Variants in WDFY3 observed in about 807,000 individuals in gnomAD.
WDFY3 encodes the protein WD repeat and FYVE domain-containing protein 3.
Under a neutral mutation model 409.6 loss-of-function variants are expected in WDFY3, and 66 were observed. That is an observed-to-expected ratio of 0.16 (90% CI 0.13 to 0.20). The LOEUF (loss-of-function observed/expected upper bound fraction) is 0.20. Among genes scored for constraint, WDFY3 ranks in the 10% least tolerant of loss-of-function variants. The pLI is 1.00. For synonymous variants in WDFY3, 1,521 were observed against 1,537.1 expected (o/e 0.99, Z 0.25); for missense variants, 3,031 against 4,298.1 (o/e 0.71, Z 8.24).
Position 84,765,862 on chromosome 4 carries a change from T to G in WDFY3, c.5136A>C (p.Gly1712=). Residue 1712 remains glycine (G), a synonymous_variant, in exon 32 of 68, where the codon GGA becomes GGC. Coordinates refer to ENST00000295888, the MANE Select transcript of WDFY3 (RefSeq NM_014991.6). ...IKFKEGLSGG[G]WLEQTDSVLT... is the part of the protein sequence containing the mutation. Reference sequence around the variant, plus strand: ...AGACAGAATCTGTCTGTTCAAGCCATCCTCCACCACTGAGTCCTTCTTTAA... The same window carrying G: ...AGACAGAATCTGTCTGTTCAAGCCAGCCTCCACCACTGAGTCCTTCTTTAA... 6.2e-7 allele frequency: 1 copy of G among 1,613,878 alleles called. No individual in the cohort carries two copies. The highest frequency in any genetic ancestry group is 8.5e-7 in the Non-Finnish European group (1 of 1,179,924).
At chr4:84,727,860 A>C (rs1735920082) in intron 44 of WDFY3, among the ~76,000 whole-genome samples, 1 of 152,222 alleles carries the variant, frequency 6.6e-6, no homozygotes, top group Non-Finnish European at 1.5e-5. Flanking sequence ...TTTTAAAAGC[A>C]AACTTGTAAA....
At chr4:84,764,535 A>C (rs1444208739) in intron 32 of WDFY3, among the ~76,000 whole-genome samples, 1 of 152,266 alleles carries the variant, frequency 6.6e-6, no homozygotes, top group African/African-American at 2.4e-5. Flanking sequence ...TTCACATCTG[A>C]AATAACAATA....
chr4:84,733,034 T>C (rs1736862670), intron 44 of WDFY3, among the ~76,000 whole-genome samples: 1 of 152,202 alleles, frequency 6.6e-6, no homozygotes, highest in South Asian at 2.1e-4. Flanking sequence ...CTAACAGTCC[T>C]ACGAGGTGGA....
intron 35 of WDFY3, among the ~76,000 whole-genome samples, chr4:84,752,492 T>C (rs1047732172): frequency 4.0e-5 from 6 of 148,318 alleles, no homozygotes; most frequent in Non-Finnish European, 8.9e-5. Context: ...GTGCCACCAT[T>C]GCACTCCAGC....
chr4:84,940,936 G>A (rs1263118048), intron 1 of WDFY3, among the ~76,000 whole-genome samples: 1 of 151,856 alleles, frequency 6.6e-6, no homozygotes, highest in African/African-American at 2.4e-5. Context: ...AATCTCAATA[G>A]ATATTTTAAA....
chr4:84,741,985 CAA>C, intron 37 of WDFY3, 64 bp from the exon 38 acceptor site: 1 of 1,273,726 alleles, frequency 7.9e-7, no homozygotes. Context: ...ACCAGATCCT[CAA>C]AAAAAAAATC....
chr4:84,795,061 T>C, intron 19 of WDFY3, 82 bp from the exon 20 acceptor site: 1 of 943,854 alleles, frequency 1.1e-6, no homozygotes. Flanking sequence ...GTGAAATAAC[T>C]GCCAGTATTT....
At chr4:84,711,957 C>G (rs1029781938) in intron 51 of WDFY3, among the ~76,000 whole-genome samples, 1 of 151,956 alleles carries the variant, frequency 6.6e-6, no homozygotes, top group Admixed American at 6.6e-5. Flanking sequence ...GAATATCAAG[C>G]TGGTTTTGTG....
intron 58 of WDFY3, among the ~76,000 whole-genome samples, chr4:84,693,256 G>T (rs1046300473): frequency 1.1e-4 from 16 of 152,182 alleles, no homozygotes; most frequent in Non-Finnish European, 2.1e-4. Flanking sequence ...CTAAAGCATG[G>T]GCTATTGTCT....
rs553411906 is a variant in WDFY3, at chr4:84,678,809, C to T, written c.10147+110G>A. The T allele has an allele frequency of 3.2e-3, 3,886 of 1,233,000 alleles. 7 individuals carry two copies. The highest frequency in any genetic ancestry group is 4.0e-3 in the Non-Finnish European group (3,542 of 885,908). The allele number at this position is 1,233,000 out of a possible 1,614,324, so 76.4% of individuals were successfully genotyped here. On this transcript the variant is annotated intron_variant, in intron 65 of 67. Transcript: ENST00000295888. ...CATTCTGTGTGAGTGGCCCAGCTCA[C>T]GGGGCACATCCAGGGTGGGGCCCAG...
intron 27 of WDFY3, among the ~76,000 whole-genome samples, chr4:84,777,180 A>C (rs1745700173): frequency 6.6e-6 from 1 of 152,064 alleles, no homozygotes; most frequent in South Asian, 2.1e-4. Flanking sequence ...TGCTAAGTTC[A>C]GTTAAGGTGT....
rs375934941 is a variant in WDFY3, at chr4:84,684,135, G to A, written c.9544-10C>T. On this transcript the variant is annotated splice_polypyrimidine_tract_variant and intron_variant, in intron 62 of 67. Transcript: ENST00000295888. ...AGGACACAATGTCCCCCTGAGAAGA[G>A]AGAGAAAAACGTCATTCTCTTTGCT... 3 of 1,533,566 alleles carry A rather than the reference G, an allele frequency of 2.0e-6. No individual in the cohort carries two copies. Among genetic ancestry groups the A allele is most frequent in the African/African-American group, 1.4e-5 (1 of 72,838 alleles). The allele number at this position is 1,533,566 out of a possible 1,614,324, so 95.0% of individuals were successfully genotyped here.
intron 1 of WDFY3, among the ~76,000 whole-genome samples, chr4:84,944,126 A>G (rs1023966760): frequency 3.3e-5 from 5 of 152,236 alleles, no homozygotes; most frequent in Non-Finnish European, 7.3e-5. Context: ...ATGCTAAAAC[A>G]AACAATAAGA....
chr4:84,904,329 C>T (rs927345310), intron 2 of WDFY3, among the ~76,000 whole-genome samples: 1 of 152,062 alleles, frequency 6.6e-6, no homozygotes, highest in African/African-American at 2.4e-5. Context: ...CAACCTCCAC[C>T]TCCTGGGTTC....
At chr4:84,866,163 G>GA (rs527343278) in intron 3 of WDFY3, among the ~76,000 whole-genome samples, 37 of 152,244 alleles carry the variant, frequency 2.4e-4, no homozygotes, top group Non-Finnish European at 4.6e-4. Context: ...AATGATGGGG[G>GA]AAAAAATCAG....
intron 24 of WDFY3, among the ~76,000 whole-genome samples, chr4:84,785,236 G>A (rs534988027): frequency 1.3e-5 from 2 of 151,848 alleles, no homozygotes; most frequent in Admixed American, 6.6e-5. Context: ...CCTACTGCCC[G>A]GGCCCTCTCT....
At chr4:84,849,722 G>A in intron 5 of WDFY3, 180 bp downstream of exon 5, 2 of 738,154 alleles carry the variant, frequency 2.7e-6, no homozygotes, top group Non-Finnish European at 2.1e-6. Flanking sequence ...CAGAACTACT[G>A]GAGAGTTGAA....
chr4:84,930,093 C>T (rs1480943927), intron 2 of WDFY3, among the ~76,000 whole-genome samples: 1 of 152,086 alleles, frequency 6.6e-6, no homozygotes, highest in African/African-American at 2.4e-5. Flanking sequence ...GACTGTGAGA[C>T]CATAAATTCC....
chr4:84,936,191 T>C (rs144841894), intron 1 of WDFY3, among the ~76,000 whole-genome samples: 1 of 152,316 alleles, frequency 6.6e-6, no homozygotes, highest in Non-Finnish European at 1.5e-5. Flanking sequence ...GGTTTTCTTA[T>C]ATTAATACTT....
Sources: allele counts gnomAD v4.1 joint callset (sites outside exome capture counted in the v4.1 genomes callset), GRCh38; gene constraint gnomAD v4.1.1; transcripts MANE v1.5; gene names NCBI Gene and HGNC (gene_info 2026-07-23, HGNC 2026-07-21).